Variants in COG4 observed in about 807,000 individuals in gnomAD.
COG4 encodes the protein component of oligomeric golgi complex 4.
Under a neutral mutation model 95.1 loss-of-function variants are expected in COG4, and 65 were observed. The ratio of observed to expected loss-of-function variants is 0.68; its 90% confidence interval spans 0.56 to 0.84. The LOEUF is 0.84. Ranked by LOEUF, COG4 falls within the 40% of genes least tolerant of loss-of-function variation. The probability of loss-of-function intolerance (pLI) is 0.00; values close to 1 mark genes in which losing one functional copy is unlikely to be tolerated. For missense variants in COG4, 1,045 were observed against 989.1 expected (o/e 1.06, Z -0.76); for synonymous variants, 421 against 374.8 (o/e 1.12, Z -1.42).
At chr16:70,483,296 CCTCTCCTCTCCCCATCCCTTCCCT>C (rs1301961773) in intron 14 of COG4, among the ~76,000 whole-genome samples, 2,547 of 95,924 alleles carry the variant, frequency 0.027, 144 homozygotes, top group African/African-American at 0.12. Context: ...ACCCCATCCT[CCTCTCCTCTCCCCATCCCTTCCCT>C]CTCTCCTCTC....
rs745843280 is a variant in COG4, at chr16:70,496,246, G to A, written c.1647+20C>T. 9 of 1,613,746 alleles carry A rather than the reference G, an allele frequency of 5.6e-6. No individual in the cohort carries two copies. Among genetic ancestry groups the A allele is most frequent in the Admixed American group, 1.7e-5 (1 of 59,994 alleles). On this transcript the variant is annotated intron_variant, in intron 12 of 18. Coordinates refer to ENST00000323786, the MANE Select transcript of COG4 (RefSeq NM_015386.3). ...CTCTCGAGATAAACCAACCCAGCTC[G>A]TGAGCTGTGGGGTACCTACCAGGAA...
Position 70,512,418 on chromosome 16 carries a change from C to T in COG4, c.559G>A (p.Ala187Thr), listed in dbSNP as rs1425172154. The change falls in exon 5 of 19, where the codon GCC becomes ACC. Residue 187 changes from alanine (A) to threonine (T), a missense_variant. By Grantham distance (58) the Ala-to-Thr change is moderately conservative. Transcript: ENST00000323786. The part of the protein sequence containing the change: ...RQGKEGSMID[A>T]NLKLLQEAEQ... Reference sequence around the variant, plus strand: ...GCTTCCTGCAGCAATTTCAGGTTGGCATCAATCATGCTCCCTGCTCAACAG... The same window carrying T: ...GCTTCCTGCAGCAATTTCAGGTTGGTATCAATCATGCTCCCTGCTCAACAG... 2 of 1,613,948 alleles carry T rather than the reference C, an allele frequency of 1.2e-6. 1 individual carries two copies. Among genetic ancestry groups the T allele is most frequent in the South Asian group, 2.2e-5 (2 of 91,042 alleles).
At position 70,517,680 on chromosome 16, in the gene COG4, G is replaced by C. The variant is rs1292326387; in HGVS notation, c.315C>G (p.Thr105=). ...AKQLAGMITF[T]CNLAENVSSK... ...TGGACACATTCTCAGCCAGGTTGCAGGTAAAGGTGATCATTCCAGCCAGCT... is the reference window on the plus strand; with the variant it reads ...TGGACACATTCTCAGCCAGGTTGCACGTAAAGGTGATCATTCCAGCCAGCT... Residue 105 remains threonine, a synonymous_variant, in exon 3 of 19, where the codon ACC becomes ACG. Coordinates refer to ENST00000323786, the MANE Select transcript of COG4 (RefSeq NM_015386.3). 30 of 1,613,346 alleles carry C rather than the reference G, an allele frequency of 1.9e-5. No homozygotes were observed. The highest frequency in any genetic ancestry group is 2.4e-5 in the Non-Finnish European group (28 of 1,179,982).
In COG4 at chr16:70,493,154, C is replaced by T. The variant is rs113746319; in HGVS notation, c.1648-2762G>A. On this transcript the variant is annotated intron_variant, in intron 12 of 18. Coordinates refer to ENST00000323786, the MANE Select transcript of COG4 (RefSeq NM_015386.3). ...GAAGGTGAGAACATTTCTCCACCCC[C>T]AGCAGCCTCTCTCCAGCTCACTGTC... Among the ~76,000 whole-genome samples, 1,012 of 152,234 alleles carry T rather than the reference C, an allele frequency of 6.6e-3. 18 individuals are homozygous for T. Among genetic ancestry groups the T allele is most frequent in the African/African-American group, 0.023 (961 of 41,532 alleles).
intron 1 of COG4, among the ~76,000 whole-genome samples, chr16:70,520,126 C>T (rs1453248643): frequency 6.6e-6 from 1 of 151,940 alleles, no homozygotes; most frequent in Non-Finnish European, 1.5e-5. Flanking sequence ...CATGGTGAAA[C>T]CCCATCTCTA....
chr16:70,500,273 T>A (rs952977448), intron 9 of COG4, among the ~76,000 whole-genome samples: 1 of 151,694 alleles, frequency 6.6e-6, no homozygotes, highest in Non-Finnish European at 1.5e-5. Flanking sequence ...CCCAGCCCCC[T>A]TTCTTATCAA....
intron 8 of COG4, among the ~76,000 whole-genome samples, chr16:70,503,429 C>G (rs1567384545): frequency 1.3e-5 from 2 of 152,172 alleles, no homozygotes; most frequent in Non-Finnish European, 2.9e-5. Flanking sequence ...AGACTCTTAA[C>G]AGCCTGACTC....
At chr16:70,521,902 T>G (rs1231333819) in intron 1 of COG4, among the ~76,000 whole-genome samples, 1 of 149,548 alleles carries the variant, frequency 6.7e-6, no homozygotes, top group African/African-American at 2.5e-5. Flanking sequence ...GGGGTTTCAC[T>G]GTGTTAGCCA....
At chr16:70,489,731 T>C (rs13334712) in intron 13 of COG4, among the ~76,000 whole-genome samples, 11,663 of 149,066 alleles carry the variant, frequency 0.078, 1,450 homozygotes, top group African/African-American at 0.27. Flanking sequence ...GATGGAGCTA[T>C]GCATCTCATT....
intron 12 of COG4, among the ~76,000 whole-genome samples, chr16:70,490,649 G>A (rs1266638194): frequency 6.6e-6 from 1 of 152,084 alleles, no homozygotes; most frequent in African/African-American, 2.4e-5. Context: ...GACCTCAGAG[G>A]TAGTGAGCTC....
intron 5 of COG4, among the ~76,000 whole-genome samples, chr16:70,511,354 A>C (rs745825801): frequency 3.3e-5 from 5 of 152,124 alleles, no homozygotes; most frequent in Non-Finnish European, 7.4e-5. Context: ...CACTTAGGGA[A>C]CGGTATCATT....
chr16:70,514,415 T>C lies in COG4; in HGVS notation c.464A>G (p.Tyr155Cys), dbSNP rs545260748. The stretch of plus-strand genomic sequence containing the variant: ...ATGAGTATGTGCTGCAGCCTGCTCA[T>C]AATCTTCACTCCTCAAAGCAGTCTG... ...GVQTALRSED[Y>C]EQAAAHTHRY... Residue 155 changes from tyrosine (Y) to cysteine (C), a missense_variant, in exon 4 of 19, where the codon TAT becomes TGT. Coordinates refer to ENST00000323786, the MANE Select transcript of COG4 (RefSeq NM_015386.3). 3 of 1,614,090 alleles carry C rather than the reference T, an allele frequency of 1.9e-6. No individual in the cohort carries two copies. Among genetic ancestry groups the C allele is most frequent in the South Asian group, 2.2e-5 (2 of 91,080 alleles).
intron 12 of COG4, among the ~76,000 whole-genome samples, chr16:70,491,671 A>C (rs893470874): frequency 6.6e-6 from 1 of 151,518 alleles, no homozygotes; most frequent in Non-Finnish European, 1.5e-5. Flanking sequence ...AAAAATACAA[A>C]AAATTAGCCA....
chr16:70,492,534 G>A (rs2049265168), intron 12 of COG4, among the ~76,000 whole-genome samples: 1 of 151,902 alleles, frequency 6.6e-6, no homozygotes, highest in South Asian at 2.1e-4. Context: ...GGTGGTGCAT[G>A]CCTGTAATCC....
rs372534500 is a variant in COG4, at chr16:70,481,331, C to G, written c.2235+28G>C. On this transcript the variant is annotated intron_variant, in intron 18 of 18. Coordinates refer to ENST00000323786, the MANE Select transcript of COG4 (RefSeq NM_015386.3). ...CTTTGCCTCTTTCAGTCACCCCTCC[C>G]TGGCTGGGCCAAGGGTGCCCCACCT... The G allele has an allele frequency of 8.1e-6, 13 of 1,611,126 alleles. No homozygotes were observed. In the African/African-American group the frequency reaches 9.3e-5, roughly 12 times the overall value.
chr16:70,486,149 C>G (rs1177510229), intron 13 of COG4, among the ~76,000 whole-genome samples: 1 of 152,200 alleles, frequency 6.6e-6, no homozygotes, highest in African/African-American at 2.4e-5. Flanking sequence ...CCCGCCTTGG[C>G]CTCCCAAAGT....
chr16:70,517,702 A>G lies in COG4; in HGVS notation c.293T>C (p.Leu98Pro). The stretch of plus-strand genomic sequence containing the variant: ...GCAGGTAAAGGTGATCATTCCAGCC[A>G]GCTGCTTTGCATCTCCCTCAATCAG... ...LQLIEGDAKQ[L>P]AGMITFTCNL... The change falls in exon 3 of 19, where the codon CTG becomes CCG. Residue 98 changes from leucine to proline, a missense_variant. Leu to Pro is a moderately conservative substitution (Grantham distance 98, BLOSUM62 -3). Transcript: ENST00000323786. 6.2e-7 allele frequency: 1 copy of G among 1,612,442 alleles called. No individual in the cohort carries two copies. The highest frequency in any genetic ancestry group is 8.5e-7 in the Non-Finnish European group (1 of 1,179,282).
intron 12 of COG4, among the ~76,000 whole-genome samples, chr16:70,493,124 G>C (rs2049277852): frequency 6.6e-6 from 1 of 152,118 alleles, no homozygotes; most frequent in Non-Finnish European, 1.5e-5. Flanking sequence ...ATTCTGACAG[G>C]AGATGAAGGT....
intron 5 of COG4, among the ~76,000 whole-genome samples, chr16:70,511,256 T>C (rs1483517396): frequency 1.3e-5 from 2 of 152,012 alleles, no homozygotes; most frequent in Non-Finnish European, 2.9e-5. Context: ...TATATCTTGA[T>C]TGCTAACTCC....
Sources: gnomAD v4.1 joint callset for allele counts (sites outside exome capture counted in the v4.1 genomes callset) on GRCh38, gnomAD v4.1.1 for gene constraint, MANE v1.5 for transcripts, NCBI Gene and HGNC (gene_info 2026-07-23, HGNC 2026-07-21) for gene names.